The following ACSL3 variants were observed in gnomAD, a reference collection of about 807,000 sequenced individuals.
ACSL3 encodes the protein acyl-CoA synthetase long chain family member 3, also known as fatty acid CoA ligase Acsl3.
In ACSL3, 34 loss-of-function variants were observed where a neutral mutation model predicts 84.7. That is an observed-to-expected ratio of 0.40 (90% CI 0.31 to 0.53). ACSL3 has a LOEUF of 0.53. Among genes scored for constraint, ACSL3 ranks in the 20% least tolerant of loss-of-function variants. The probability of loss-of-function intolerance (pLI) is 0.48; values close to 1 mark genes in which losing one functional copy is unlikely to be tolerated. For synonymous variants in ACSL3, 315 were observed against 299.4 expected, an observed-to-expected ratio of 1.05 and a Z score of -0.54; for missense variants, 680 against 873.1, an observed-to-expected ratio of 0.78 and a Z score of 2.79.
chr2:222,934,672 G>A lies in ACSL3; in HGVS notation c.1990G>A (p.Glu664Lys), dbSNP rs757632550. 3.7e-6 allele frequency: 6 copies of A among 1,608,118 alleles called. No homozygotes were observed. Among genetic ancestry groups the A allele is most frequent in the Admixed American group, 1.7e-5 (1 of 59,144 alleles). The change falls in exon 16 of 17, where the codon GAA becomes AAA. Residue 664 changes from glutamate (E) to lysine (K), a missense_variant. Glu to Lys is a moderately conservative substitution (Grantham distance 56). Around this residue, in one of 2 missense-constraint regions of ACSL3, gnomAD observed 347 missense variants for 525.7 expected, o/e 0.66. Transcript: ENST00000357430. ...MENEVLKVLS[E>K]AAISASLEKF... Reference sequence around the variant, plus strand: ...AAATGAGGTACTTAAAGTGCTTTCCGAAGCTGCTATTTCAGGTGAGTATTC... The same window carrying A: ...AAATGAGGTACTTAAAGTGCTTTCCAAAGCTGCTATTTCAGGTGAGTATTC...
intron 16 of ACSL3, among the ~76,000 whole-genome samples, chr2:222,936,608 T>TTC (rs1697175677): frequency 1.5e-5 from 2 of 131,188 alleles, no homozygotes; most frequent in Non-Finnish European, 3.1e-5. Context: ...TTCTGCACCC[T>TTC]CCCCCCCCAC....
intron 1 of ACSL3, among the ~76,000 whole-genome samples, chr2:222,865,555 G>A (rs1004419658): frequency 2.0e-5 from 3 of 152,210 alleles, no homozygotes; most frequent in African/African-American, 7.2e-5. Context: ...ACAAATTACA[G>A]CATGGTGGAA....
chr2:222,866,454 G>A (rs1362442361), intron 1 of ACSL3, among the ~76,000 whole-genome samples: 1 of 152,090 alleles, frequency 6.6e-6, no homozygotes, highest in Non-Finnish European at 1.5e-5. Flanking sequence ...TGCAAAATAG[G>A]TTCTTTTATC....
At chr2:222,884,863 G>A (rs1695682515) in intron 1 of ACSL3, among the ~76,000 whole-genome samples, 1 of 152,136 alleles carries the variant, frequency 6.6e-6, no homozygotes, top group Non-Finnish European at 1.5e-5. Context: ...GTTATTGTCT[G>A]CTTGAACAAA....
At chr2:222,873,389 A>G (rs1291944792) in intron 1 of ACSL3, among the ~76,000 whole-genome samples, 1 of 152,164 alleles carries the variant, frequency 6.6e-6, no homozygotes, top group African/African-American at 2.4e-5. Context: ...CTCTAAGTTT[A>G]CTATTCAATT....
intron 2 of ACSL3, among the ~76,000 whole-genome samples, chr2:222,893,768 C>T (rs1038181752): frequency 6.6e-6 from 1 of 151,836 alleles, no homozygotes; most frequent in Non-Finnish European, 1.5e-5. Context: ...CCCTTCCCAC[C>T]TCTCCCCATC....
At chr2:222,934,995 A>T (rs1020928404) in intron 16 of ACSL3, among the ~76,000 whole-genome samples, 19 of 152,270 alleles carry the variant, frequency 1.2e-4, no homozygotes, top group Middle Eastern at 6.8e-3. Context: ...ACACTAGCCC[A>T]TAGTGATCAG....
intron 2 of ACSL3, among the ~76,000 whole-genome samples, chr2:222,890,948 G>C (rs1695832305): frequency 6.6e-6 from 1 of 152,166 alleles, no homozygotes; most frequent in African/African-American, 2.4e-5. Flanking sequence ...TGGCCGAAAA[G>C]AGGTATATTT....
chr2:222,941,784 A>T lies in ACSL3; in HGVS notation c.*130A>T. The T allele has an allele frequency of 2.0e-6, 2 of 986,542 alleles. No homozygotes were observed. The highest frequency in any genetic ancestry group is 2.8e-6 in the Non-Finnish European group (2 of 709,908). 61.1% of individuals were successfully genotyped at this position (986,542 alleles called of 1,614,324 possible). A position where few individuals can be genotyped will look rare whatever the true frequency, so the allele number is the denominator to read the frequency against. Reference sequence around the variant, plus strand: ...AACTATTACTTCTCATGACGTCACCATTTTTAACTGACAGGATTAGTAAAA... The same window carrying T: ...AACTATTACTTCTCATGACGTCACCTTTTTTAACTGACAGGATTAGTAAAA... On this transcript the variant is annotated 3_prime_UTR_variant, in exon 17 of 17. Coordinates refer to ENST00000357430, the MANE Select transcript of ACSL3 (RefSeq NM_004457.5).
At chr2:222,926,889 G>T (rs1696894971) in intron 11 of ACSL3, 128 bp from the exon 12 acceptor site, 4 of 951,250 alleles carry the variant, frequency 4.2e-6, no homozygotes, top group Non-Finnish European at 6.1e-6. Context: ...CTCCAAATTG[G>T]CTGTGTGACC....
In ACSL3 at chr2:222,901,964, A is replaced by AAAAAAAAAAAAAAAAAAAAAATG. The variant is rs57522671; in HGVS notation, c.-41+1184_-41+1185insAAAAAAAAAAAAAAAAAAAAATG. The stretch of plus-strand genomic sequence containing the variant: ...GTCTCAAAAAAAAAAAAAAAAAAAA[A>AAAAAAAAAAAAAAAAAAAAAATG]GAACTCAAATATTGTTGAGGTAGCA... On this transcript the variant is annotated intron_variant, in intron 3 of 16. Coordinates refer to ENST00000357430, the MANE Select transcript of ACSL3 (RefSeq NM_004457.5). 6.0e-5 allele frequency among the ~76,000 whole-genome samples: 6 copies of AAAAAAAAAAAAAAAAAAAAAATG among 99,456 alleles called. 2 individuals are homozygous for AAAAAAAAAAAAAAAAAAAAAATG. Among genetic ancestry groups the AAAAAAAAAAAAAAAAAAAAAATG allele is most frequent in the Non-Finnish European group, 5.4e-5 (3 of 55,488 alleles). The allele number at this position is 99,456 out of a possible 152,430, so 65.2% of individuals were successfully genotyped here. A position where few individuals can be genotyped will look rare whatever the true frequency, so the allele number is the denominator to read the frequency against.
chr2:222,899,717 T>G (rs1022612494), intron 2 of ACSL3, among the ~76,000 whole-genome samples: 1 of 152,146 alleles, frequency 6.6e-6, no homozygotes, highest in Non-Finnish European at 1.5e-5. Context: ...GGTACAGTGC[T>G]GGTATACATG....
At chr2:222,869,296 T>G (rs747810914) in intron 1 of ACSL3, among the ~76,000 whole-genome samples, 4 of 152,220 alleles carry the variant, frequency 2.6e-5, no homozygotes, top group African/African-American at 7.2e-5. Context: ...AAGATTTCAA[T>G]TCTTACCTCA....
At chr2:222,926,746 G>A (rs1322781743) in intron 11 of ACSL3, among the ~76,000 whole-genome samples, 2 of 152,074 alleles carry the variant, frequency 1.3e-5, no homozygotes, top group African/African-American at 4.8e-5. Context: ...ATAAGCAAGG[G>A]TTTTCCTGTC....
In ACSL3 at chr2:222,934,639, GA is replaced by G; in HGVS notation, c.1960del (p.Met654TrpfsTer25). ...GTWEELCNSCEMENEVLKVLS... is the reference protein window; with the variant it reads ...GTWEELCNSCXMENEVLKVLS... The stretch of plus-strand genomic sequence containing the variant: ...TTGGGAGGAGCTGTGTAACAGTTGT[GA>G]AATGGAAAATGAGGTACTTAAAGTG... On this transcript the variant is annotated frameshift_variant, in exon 16 of 17. Transcript: ENST00000357430. LOFTEE classifies it high-confidence loss of function. 6.2e-7 allele frequency: 1 copy of G among 1,609,502 alleles called. No homozygotes were observed. The highest frequency in any genetic ancestry group is 8.5e-7 in the Non-Finnish European group (1 of 1,178,492).
rs1292263144 is a variant in ACSL3 at position 222,927,503 on chromosome 2, T to C, written c.1465+314T>C. Among the ~76,000 whole-genome samples the C allele has an allele frequency of 2.0e-5, 3 of 152,238 alleles. No individual in the cohort carries two copies. In the East Asian group the frequency reaches 5.8e-4, roughly 29 times the overall value. On this transcript the variant is annotated intron_variant, in intron 12 of 16. Coordinates refer to ENST00000357430, the MANE Select transcript of ACSL3 (RefSeq NM_004457.5). ...ACATTTATTTTCTCACATCAGTGAT[T>C]AAATTTCTTTTTATGTAGAAAACTT...
Position 222,916,638 on chromosome 2 carries a change from T to G in ACSL3, c.556+142T>G, listed in dbSNP as rs182524588. 6.7e-6 allele frequency: 6 copies of G among 894,038 alleles called. No homozygotes were observed. The East Asian group carries it at 1.7e-4, about 25-fold the overall frequency. 55.4% of individuals were successfully genotyped at this position (894,038 alleles called of 1,614,324 possible). The stretch of plus-strand genomic sequence containing the variant: ...AGAACTCTGTTGTGACTTGGAATTT[T>G]TGGTTTATTTTGGAAAATAAATCAA... On this transcript the variant is annotated intron_variant, in intron 5 of 16. Coordinates refer to ENST00000357430, the MANE Select transcript of ACSL3 (RefSeq NM_004457.5).
At chr2:222,871,289 A>T (rs1038938561) in intron 1 of ACSL3, among the ~76,000 whole-genome samples, 1 of 152,212 alleles carries the variant, frequency 6.6e-6, no homozygotes, top group African/African-American at 2.4e-5. Flanking sequence ...AGGAGAATTC[A>T]GTTAAAAAAA....
intron 1 of ACSL3, among the ~76,000 whole-genome samples, chr2:222,870,667 G>A (rs1210787047): frequency 1.3e-5 from 2 of 152,180 alleles, no homozygotes; most frequent in Admixed American, 6.5e-5. Flanking sequence ...TCCAGGTAGA[G>A]CTAACAGGGC....
Sources: gnomAD v4.1 joint callset for allele counts (sites outside exome capture counted in the v4.1 genomes callset) on GRCh38, gnomAD v4.1.1 for gene constraint, gnomAD v4.1.1 regional missense constraint, MANE v1.5 for transcripts, NCBI Gene and HGNC (gene_info 2026-07-23, HGNC 2026-07-21) for gene names.